Variants in TXNL1 observed in about 807,000 individuals in gnomAD.
TXNL1 encodes the protein thioredoxin like 1.
TXNL1 carries 14 observed loss-of-function variants against 35.5 expected under a neutral mutation model. That is an observed-to-expected ratio of 0.39 (90% CI 0.26 to 0.62). The LOEUF is 0.62. TXNL1 is among the 20% of genes least tolerant of loss of function. The pLI, the probability that TXNL1 is intolerant of heterozygous loss-of-function variation, is 0.47. For missense variants in TXNL1, 263 were observed against 349.7 expected (o/e 0.75, Z 1.98); for synonymous variants, 110 against 115.5 (o/e 0.95, Z 0.31).
chr18:56,626,795 G>GTTTT (rs1221334957), intron 1 of TXNL1, among the ~76,000 whole-genome samples: 4 of 29,048 alleles, frequency 1.4e-4, no homozygotes, highest in Non-Finnish European at 2.2e-4. Context: ...CACCAAGCCG[G>GTTTT]TCTTTTTTTT....
At position 56,602,857 on chromosome 18, in the gene TXNL1, T is replaced by G. The variant is rs1801947; in HGVS notation, c.*170A>C. Reference sequence around the variant, plus strand: ...CAAAAGTGGTGACTTTTATTTACAATTGCATGTGTCAAGATTACAATGGAA... The same window carrying G: ...CAAAAGTGGTGACTTTTATTTACAAGTGCATGTGTCAAGATTACAATGGAA... On this transcript the variant is annotated 3_prime_UTR_variant, in exon 8 of 8. Coordinates refer to ENST00000217515, the MANE Select transcript of TXNL1 (RefSeq NM_004786.3). 9.1e-5 allele frequency: 67 copies of G among 732,312 alleles called. No individual in the cohort carries two copies. Among genetic ancestry groups the G allele is most frequent in the Admixed American group, 6.8e-4 (23 of 33,826 alleles). 45.4% of individuals were successfully genotyped at this position (732,312 alleles called of 1,614,324 possible). A position where few individuals can be genotyped will look rare whatever the true frequency, so the allele number is the denominator to read the frequency against.
chr18:56,633,957 C>T (rs1161288546), intron 1 of TXNL1, among the ~76,000 whole-genome samples: 1 of 133,094 alleles, frequency 7.5e-6, no homozygotes, highest in Non-Finnish European at 1.5e-5. Flanking sequence ...GCACTCCAGC[C>T]TGGATGACAG....
chr18:56,620,464 A>G (rs2144310892), intron 3 of TXNL1, among the ~76,000 whole-genome samples: 1 of 152,324 alleles, frequency 6.6e-6, no homozygotes, highest in Non-Finnish European at 1.5e-5. Flanking sequence ...ACAGTAGATT[A>G]CCTGATCTTT....
chr18:56,626,797 C>CTTTT (rs386387792), intron 1 of TXNL1, among the ~76,000 whole-genome samples: 665 of 54,976 alleles, frequency 0.012, 126 homozygotes, highest in East Asian at 0.048. Flanking sequence ...CCAAGCCGGT[C>CTTTT]TTTTTTTTTT....
At chr18:56,626,507 A>G in intron 1 of TXNL1, 50 bp from the exon 2 acceptor site, 1 of 1,454,728 alleles carries the variant, frequency 6.9e-7, no homozygotes, top group Non-Finnish European at 9.5e-7. Flanking sequence ...TTGTAATTCT[A>G]AAGCACTCGT....
At chr18:56,638,307 C>A (rs1432286199) in intron 1 of TXNL1, 36 bp downstream of exon 1, 2 of 1,576,674 alleles carry the variant, frequency 1.3e-6, no homozygotes, top group Non-Finnish European at 8.7e-7. Context: ...CAAGGAAGGA[C>A]AGACGGGGAC....
At chr18:56,609,039 A>T (rs986562898) in intron 7 of TXNL1, 28 of 152,178 alleles carry the variant, frequency 1.8e-4, no homozygotes, top group African/African-American at 6.5e-4. Context: ...TTTCTAATTT[A>T]AAAATATTCA....
At chr18:56,611,145 C>T in intron 6 of TXNL1, 48 bp from the exon 7 acceptor site, 1 of 1,230,022 alleles carries the variant, frequency 8.1e-7, no homozygotes. Context: ...TCTTCACAAA[C>T]ATGCTTTAAG....
At chr18:56,609,233 A>C (rs1428927246) in intron 7 of TXNL1, 3 of 152,188 alleles carry the variant, frequency 2.0e-5, no homozygotes, top group Non-Finnish European at 2.9e-5. Context: ...GGTAATTTAA[A>C]GTTAAAAAAA....
chr18:56,616,131 C>CAA (rs778338602), intron 5 of TXNL1, 114 bp downstream of exon 5: 1,723 of 685,886 alleles, frequency 2.5e-3, no homozygotes, highest in Non-Finnish European at 2.7e-3. Context: ...GACTCTGTCT[C>CAA]AAAAAAAAAA....
chr18:56,636,352 T>C (rs2024454981), intron 1 of TXNL1, among the ~76,000 whole-genome samples: 1 of 152,222 alleles, frequency 6.6e-6, no homozygotes, highest in Admixed American at 6.5e-5. Flanking sequence ...AAGATTTTAC[T>C]GAATACAGTT....
At chr18:56,632,614 A>G (rs1427848009) in intron 1 of TXNL1, among the ~76,000 whole-genome samples, 3 of 152,234 alleles carry the variant, frequency 2.0e-5, no homozygotes, top group African/African-American at 7.2e-5. Context: ...AAACTGTGTT[A>G]ACACTCTTGA....
chr18:56,627,828 T>C (rs915891858), intron 1 of TXNL1, among the ~76,000 whole-genome samples: 1 of 148,352 alleles, frequency 6.7e-6, no homozygotes, highest in African/African-American at 2.5e-5. Flanking sequence ...AACTAAGCAA[T>C]GATTTCTTAT....
At chr18:56,611,780 G>A (rs1369968999) in intron 6 of TXNL1, among the ~76,000 whole-genome samples, 3 of 149,162 alleles carry the variant, frequency 2.0e-5, no homozygotes, top group Non-Finnish European at 3.0e-5. Context: ...TGCAACCTCC[G>A]CCTCCCAGGT....
At chr18:56,625,631 CAT>C (rs1413752270) in intron 2 of TXNL1, among the ~76,000 whole-genome samples, 5 of 152,146 alleles carry the variant, frequency 3.3e-5, no homozygotes. Context: ...AGTGCTGAAA[CAT>C]AAATGTGTGT....
Position 56,602,914 on chromosome 18 carries a change from G to A in TXNL1, c.*113C>T. On this transcript the variant is annotated 3_prime_UTR_variant, in exon 8 of 8. Transcript: ENST00000217515. ...GTGATACCATCTGAACAAAAGCAAT[G>A]ATTTATTGGTAATGGCAATGAATGA... The A allele has an allele frequency of 8.9e-7, 1 of 1,123,568 alleles. No individual in the cohort carries two copies. The highest frequency in any genetic ancestry group is 1.3e-6 in the Non-Finnish European group (1 of 744,524). 69.6% of individuals were successfully genotyped at this position (1,123,568 alleles called of 1,614,324 possible). A position where few individuals can be genotyped will look rare whatever the true frequency, so the allele number is the denominator to read the frequency against.
intron 6 of TXNL1, among the ~76,000 whole-genome samples, chr18:56,612,402 A>G (rs1225487406): frequency 6.6e-6 from 1 of 151,536 alleles, no homozygotes; most frequent in East Asian, 1.9e-4. Flanking sequence ...TTTAAGCTTG[A>G]CTCTATATTT....
intron 7 of TXNL1, among the ~76,000 whole-genome samples, chr18:56,607,575 G>T (rs1220369947): frequency 1.3e-5 from 2 of 152,088 alleles, no homozygotes; most frequent in African/African-American, 4.8e-5. Context: ...TAAACCCATT[G>T]TAAAGACCAG....
At chr18:56,629,952 A>G (rs951325351) in intron 1 of TXNL1, among the ~76,000 whole-genome samples, 1 of 152,184 alleles carries the variant, frequency 6.6e-6, no homozygotes, top group Non-Finnish European at 1.5e-5. Context: ...TAATCTCAGC[A>G]CTTTGGGAGG....
Sources: allele counts gnomAD v4.1 joint callset (sites outside exome capture counted in the v4.1 genomes callset), GRCh38; gene constraint gnomAD v4.1.1; transcripts MANE v1.5; gene names NCBI Gene and HGNC (gene_info 2026-07-23, HGNC 2026-07-21).